The following ARAP1 variants were observed in gnomAD, a reference collection of about 807,000 sequenced individuals.
ARAP1 encodes the protein ArfGAP with RhoGAP domain, ankyrin repeat and PH domain 1.
ARAP1 carries 76 observed loss-of-function variants against 172.2 expected under a neutral mutation model. The observed-to-expected ratio is 0.44, with a 90% CI of 0.37 to 0.53. The LOEUF is 0.53. Ranked by LOEUF, ARAP1 falls within the 20% of genes least tolerant of loss-of-function variation. The pLI is 0.00. For synonymous variants in ARAP1, 804 were observed against 803.3 expected (o/e 1.00, Z -0.01); for missense variants, 1,686 against 1,977.5 (o/e 0.85, Z 2.80).
At chr11:72,751,164 G>A (rs1311578568) in intron 1 of ARAP1, among the ~76,000 whole-genome samples, 1 of 152,034 alleles carries the variant, frequency 6.6e-6, no homozygotes, top group African/African-American at 2.4e-5. Context: ...ACTCCAATAT[G>A]CAAGTAGCCA....
chr11:72,698,894 C>A, intron 18 of ARAP1, 111 bp downstream of exon 18: 1 of 1,116,762 alleles, frequency 9.0e-7, no homozygotes, highest in South Asian at 1.3e-5. Flanking sequence ...TGCTGCCCTG[C>A]ATCTAGCTTC....
At position 72,688,450 on chromosome 11, in the gene ARAP1, C is replaced by T; in HGVS notation, c.4070+5G>A. ...AGCAGGCCTATCTGCCCAGTCCCAG[C>T]TTACCAGGTGGGTGGCCTGAGTTTC... On this transcript the variant is annotated splice_donor_5th_base_variant and intron_variant, in intron 31 of 34. Coordinates refer to ENST00000393609, the MANE Select transcript of ARAP1 (RefSeq NM_001040118.3). 11 of 1,610,862 alleles carry T rather than the reference C, an allele frequency of 6.8e-6. No homozygotes were observed. Among genetic ancestry groups the T allele is most frequent in the Non-Finnish European group, 8.5e-6 (10 of 1,178,432 alleles).
rs58569661 is a variant in ARAP1 at position 72,737,628 on chromosome 11, C to CT, written c.-127-5032dup. Among the ~76,000 whole-genome samples, 1,040 of 144,242 alleles carry CT rather than the reference C, an allele frequency of 7.2e-3. 5 individuals are homozygous for CT. The highest frequency in any genetic ancestry group is 8.1e-3 in the African/African-American group (322 of 39,558). 94.6% of individuals were successfully genotyped at this position (144,242 alleles called of 152,430 possible). On this transcript the variant is annotated intron_variant, in intron 1 of 34. Transcript: ENST00000393609. The stretch of plus-strand genomic sequence containing the variant: ...GATTTTCTCCTTCATCTCATTTGTT[C>CT]TTTTTTTTTTTTTTGAAACAGGGTC...
intron 30 of ARAP1, chr11:72,689,613 C>T (rs1477983721): frequency 6.6e-6 from 1 of 152,270 alleles, no homozygotes; most frequent in Non-Finnish European, 1.5e-5. Flanking sequence ...AAAGGATGGG[C>T]TGCTTAGGGA....
At chr11:72,751,541 G>T (rs970453113) in intron 1 of ARAP1, among the ~76,000 whole-genome samples, 1 of 152,036 alleles carries the variant, frequency 6.6e-6, no homozygotes, top group African/African-American at 2.4e-5. Context: ...CTCAGTCTGG[G>T]ACCCTGGGAC....
At chr11:72,700,618 T>G (rs1486644099) in intron 16 of ARAP1, 1 of 152,244 alleles carries the variant, frequency 6.6e-6, no homozygotes, top group Non-Finnish European at 1.5e-5. Context: ...CAGGCAGTGG[T>G]GGCCAAAAGG....
rs1857646388 is a variant in ARAP1 at position 72,725,122 on chromosome 11, A to T, written c.509+1498T>A. Reference sequence around the variant, plus strand: ...TCACAAAGCTAGCTGGGCCCGACCCAGGCATCCTGCCTCCCAAGCAGGAAC... The same window carrying T: ...TCACAAAGCTAGCTGGGCCCGACCCTGGCATCCTGCCTCCCAAGCAGGAAC... On this transcript the variant is annotated intron_variant, in intron 3 of 34. Coordinates refer to ENST00000393609, the MANE Select transcript of ARAP1 (RefSeq NM_001040118.3). The surrounding 1 kb of genome is among the most constrained non-coding windows in gnomAD (Gnocchi z 4.3). Among the ~76,000 whole-genome samples, 1 of 152,132 alleles carries T rather than the reference A, an allele frequency of 6.6e-6. No individual in the cohort carries two copies. The highest frequency in any genetic ancestry group is 1.5e-5 in the Non-Finnish European group (1 of 68,012).
At chr11:72,721,816 A>C in intron 3 of ARAP1, 1 of 985,772 alleles carries the variant, frequency 1.0e-6, no homozygotes, top group Non-Finnish European at 1.2e-6. Flanking sequence ...TACGTGCCCA[A>C]CAGCAACAAC....
intron 3 of ARAP1, among the ~76,000 whole-genome samples, chr11:72,715,947 C>T (rs1377406984): frequency 2.0e-5 from 3 of 151,958 alleles, no homozygotes; most frequent in African/African-American, 4.8e-5. Context: ...CCAAGGCGCG[C>T]GGATCACGAG....
chr11:72,748,912 A>G (rs530742621), intron 1 of ARAP1, among the ~76,000 whole-genome samples: 21 of 152,286 alleles, frequency 1.4e-4, no homozygotes, highest in African/African-American at 4.8e-4. Context: ...GGGCATGCAC[A>G]TTGGATGGGG....
At chr11:72,707,399 T>C (rs1460144008) in intron 11 of ARAP1, 25 bp from the exon 12 acceptor site, 5 of 1,594,446 alleles carry the variant, frequency 3.1e-6, no homozygotes, top group Non-Finnish European at 4.3e-6. Context: ...GTGGGGAGAT[T>C]AGTGGGGATG....
At position 72,693,684 on chromosome 11, in the gene ARAP1, C is replaced by T; in HGVS notation, c.3808+8G>A. 6.3e-7 allele frequency: 1 copy of T among 1,598,618 alleles called. No individual in the cohort carries two copies. Among genetic ancestry groups the T allele is most frequent in the Non-Finnish European group, 8.5e-7 (1 of 1,172,428 alleles). On this transcript the variant is annotated splice_region_variant and intron_variant, in intron 28 of 34. Coordinates refer to ENST00000393609, the MANE Select transcript of ARAP1 (RefSeq NM_001040118.3). The surrounding 1 kb of genome is among the most constrained non-coding windows in gnomAD (Gnocchi z 4.6). ...CCGGAGCCTGGCCACCCTGCAGGCA[C>T]CACCTACCCAGGTACAGCAGCATGG...
chr11:72,711,419 G>C lies in ARAP1; in HGVS notation c.1092+11C>G. On this transcript the variant is annotated intron_variant, in intron 8 of 34. Transcript: ENST00000393609. Reference sequence around the variant, plus strand: ...GAGCAGGGGTCGCGTCAGGACTGATGCAGGCCTCACCTTGTTACTGTCAAA... The same window carrying C: ...GAGCAGGGGTCGCGTCAGGACTGATCCAGGCCTCACCTTGTTACTGTCAAA... The C allele has an allele frequency of 6.2e-7, 1 of 1,611,528 alleles. No homozygotes were observed. Among genetic ancestry groups the C allele is most frequent in the Non-Finnish European group, 8.5e-7 (1 of 1,177,762 alleles).
In ARAP1 at chr11:72,707,391, G is replaced by C. The variant is rs370212089; in HGVS notation, c.1524-17C>G. 1.2e-6 allele frequency: 2 copies of C among 1,602,946 alleles called. No individual in the cohort carries two copies. Among genetic ancestry groups the C allele is most frequent in the Non-Finnish European group, 8.5e-7 (1 of 1,173,324 alleles). On this transcript the variant is annotated splice_polypyrimidine_tract_variant and intron_variant, in intron 11 of 34. Coordinates refer to ENST00000393609, the MANE Select transcript of ARAP1 (RefSeq NM_001040118.3). Reference sequence around the variant, plus strand: ...GCAGAGAAGCTGGGGACATAGGGGTGGGGAGATTAGTGGGGATGGACTCAG... The same window carrying C: ...GCAGAGAAGCTGGGGACATAGGGGTCGGGAGATTAGTGGGGATGGACTCAG...
chr11:72,686,278 C>T (rs1230050993), intron 33 of ARAP1, 87 bp from the exon 34 acceptor site: 1 of 1,496,780 alleles, frequency 6.7e-7, no homozygotes, highest in East Asian at 2.4e-5. Flanking sequence ...CCAGAAATGC[C>T]TCCAGCTGTG....
At chr11:72,721,621 C>A (rs1857514518) in intron 3 of ARAP1, among the ~76,000 whole-genome samples, 2 of 151,672 alleles carry the variant, frequency 1.3e-5, no homozygotes, top group South Asian at 4.2e-4. Flanking sequence ...ACCTAGAAAG[C>A]CCAGGGAAGA....
Position 72,693,637 on chromosome 11 carries a change from T to G in ARAP1, c.3808+55A>C. The G allele has an allele frequency of 6.5e-7, 1 of 1,546,382 alleles. No homozygotes were observed. The highest frequency in any genetic ancestry group is 8.8e-7 in the Non-Finnish European group (1 of 1,141,412). ...TACCTGGCACCACCAGGTCCCACCC[T>G]GGCTCTGGAAGAGAGGACCACCCGG... On this transcript the variant is annotated intron_variant, in intron 28 of 34. Transcript: ENST00000393609. The surrounding 1 kb of genome is among the most constrained non-coding windows in gnomAD (Gnocchi z 4.6).
Position 72,699,180 on chromosome 11 carries a change from C to T in ARAP1, c.2439-73G>A, listed in dbSNP as rs1856356796. Reference sequence around the variant, plus strand: ...CCCACCCCCAACCCGCACCATCAACCGCCATCCTCTGCCCCCTCCGCACTG... The same window carrying T: ...CCCACCCCCAACCCGCACCATCAACTGCCATCCTCTGCCCCCTCCGCACTG... On this transcript the variant is annotated intron_variant, in intron 17 of 34. Transcript: ENST00000393609. The surrounding 1 kb of genome is among the most constrained non-coding windows in gnomAD (Gnocchi z 4.2). The T allele has an allele frequency of 8.5e-6, 13 of 1,523,172 alleles. 1 individual carries two copies. The highest frequency in any genetic ancestry group is 1.7e-4 in the Middle Eastern group (1 of 5,844). The allele number at this position is 1,523,172 out of a possible 1,614,324, so 94.4% of individuals were successfully genotyped here. A position where few individuals can be genotyped will look rare whatever the true frequency, so the allele number is the denominator to read the frequency against.
intron 1 of ARAP1, among the ~76,000 whole-genome samples, chr11:72,735,891 G>C (rs1304704603): frequency 6.6e-6 from 1 of 152,182 alleles, no homozygotes; most frequent in Non-Finnish European, 1.5e-5. Context: ...CCTCAGACCT[G>C]GACTGGCCCT....
Sources: allele counts gnomAD v4.1 joint callset (sites outside exome capture counted in the v4.1 genomes callset), GRCh38; gene constraint gnomAD v4.1.1; non-coding constraint Gnocchi (gnomAD v3.1); transcripts MANE v1.5; gene names NCBI Gene and HGNC (gene_info 2026-07-23, HGNC 2026-07-21).